The following DNMT3A variants were observed in gnomAD, a reference collection of about 807,000 sequenced individuals.
DNMT3A encodes the protein DNA methyltransferase 3 alpha.
Under a neutral mutation model 117.6 loss-of-function variants are expected in DNMT3A, and 267 were observed. That is an observed-to-expected ratio of 2.27 (90% CI 2.05 to 2.51). The LOEUF is 2.51. DNMT3A is among the 30% of genes most tolerant of loss of function. The pLI is 0.00. For synonymous variants in DNMT3A, 432 were observed against 474.8 expected, an observed-to-expected ratio of 0.91 and a Z score of 1.17; for missense variants, 1,029 against 1,260.2, an observed-to-expected ratio of 0.82 and a Z score of 2.78.
chr2:25,270,537 C>T (rs2030782239), intron 6 of DNMT3A, among the ~76,000 whole-genome samples: 1 of 152,146 alleles, frequency 6.6e-6, no homozygotes, highest in Non-Finnish European at 1.5e-5. Context: ...GTGATATTGC[C>T]TGGGGAACAG....
Position 25,241,638 on chromosome 2 carries a change from G to T in DNMT3A, c.2006C>A (p.Ser669Tyr), listed in dbSNP as rs1674048200. The change falls in exon 17 of 23, where the codon TCC becomes TAC. Residue 669 changes from serine (S) to tyrosine (Y), a missense_variant. By Grantham distance (144) the Ser-to-Tyr change is moderately radical. Transcript: ENST00000321117. ...GTGCCGCACCATGCCCACCGTGATG[G>T]AGTCCTCACACACCTCCGAGGCAAT... Reference protein sequence around the residue: ...RYIASEVCEDSITVGMVRHQG... With the variant: ...RYIASEVCEDYITVGMVRHQG... 1 of 1,614,150 alleles carries T rather than the reference G, an allele frequency of 6.2e-7. No individual in the cohort carries two copies. Among genetic ancestry groups the T allele is most frequent in the Non-Finnish European group, 8.5e-7 (1 of 1,180,028 alleles).
intron 6 of DNMT3A, among the ~76,000 whole-genome samples, chr2:25,251,709 T>G (rs1675587056): frequency 6.6e-6 from 1 of 152,186 alleles, no homozygotes; most frequent in Admixed American, 6.5e-5. Flanking sequence ...GCGGCCTGCC[T>G]GGAGGCTTCC....
upstream of DNMT3A, among the ~76,000 whole-genome samples, chr2:25,342,188 C>T (rs1482197304): frequency 6.9e-6 from 1 of 145,426 alleles, no homozygotes; most frequent in East Asian, 2.1e-4. The surrounding 1 kb of genome is among the most constrained non-coding windows in gnomAD (Gnocchi z 5.9). Flanking sequence ...CGGGGCGCCG[C>T]GGCGGGAGCG....
chr2:25,329,378 T>C (rs748693574), intron 1 of DNMT3A, among the ~76,000 whole-genome samples: 6 of 152,124 alleles, frequency 3.9e-5, no homozygotes, highest in Non-Finnish European at 8.8e-5. Context: ...GTGTTTAACA[T>C]AGGGCCTGGC....
chr2:25,247,237 C>T lies in DNMT3A; in HGVS notation c.1015-79G>A. 1.4e-6 allele frequency: 2 copies of T among 1,417,512 alleles called. No individual in the cohort carries two copies. The highest frequency in any genetic ancestry group is 2.0e-6 in the Non-Finnish European group (2 of 1,018,554). 87.8% of individuals were successfully genotyped at this position (1,417,512 alleles called of 1,614,324 possible). A position where few individuals can be genotyped will look rare whatever the true frequency, so the allele number is the denominator to read the frequency against. On this transcript the variant is annotated intron_variant, in intron 8 of 22. Transcript: ENST00000321117. The surrounding 1 kb of genome is among the most constrained non-coding windows in gnomAD (Gnocchi z 5.6). ...CCCCATGCCTTGCAACTGGCAGGGGCTGGGAGCCTCGAGAGTCAGTCTCAG... is the reference window on the plus strand; with the variant it reads ...CCCCATGCCTTGCAACTGGCAGGGGTTGGGAGCCTCGAGAGTCAGTCTCAG...
chr2:25,307,557 C>A (rs545307417), intron 2 of DNMT3A, among the ~76,000 whole-genome samples: 2 of 149,766 alleles, frequency 1.3e-5, no homozygotes, highest in African/African-American at 4.9e-5. Flanking sequence ...CCTCCACCTA[C>A]CAGGTTCAAG....
intron 6 of DNMT3A, among the ~76,000 whole-genome samples, chr2:25,273,038 G>A (rs1172220142): frequency 5.5e-5 from 8 of 144,590 alleles, no homozygotes; most frequent in African/African-American, 2.1e-4. Flanking sequence ...GTAGTGGTGT[G>A]ATCTCAGCTC....
chr2:25,308,968 T>TAC (rs10628428), intron 2 of DNMT3A, among the ~76,000 whole-genome samples: 16,883 of 144,024 alleles, frequency 0.12, 1,080 homozygotes, highest in African/African-American at 0.17. Flanking sequence ...CACAGATGCA[T>TAC]ACACACACAC....
intron 1 of DNMT3A, chr2:25,328,611 A>G (rs2034882543): frequency 4.0e-6 from 2 of 495,434 alleles, no homozygotes; most frequent in Non-Finnish European, 8.3e-6. Context: ...GTCCCCCGCA[A>G]CCCCGTTCCG....
chr2:25,315,084 T>C lies in DNMT3A; in HGVS notation c.-177-923A>G, dbSNP rs146303491. Among the ~76,000 whole-genome samples the C allele has an allele frequency of 7.5e-4, 114 of 152,150 alleles. 1 individual carries two copies. In the Middle Eastern group the frequency reaches 0.031, roughly 41 times the overall value. On this transcript the variant is annotated intron_variant, in intron 1 of 22. Coordinates refer to ENST00000321117, the MANE Select transcript of DNMT3A (RefSeq NM_022552.5). ...GAGTGTGCCAGGGCCCAGGAGGGGA[T>C]TGGCAGGCAAGGGAGAGCGGGAGGC...
In DNMT3A at chr2:25,254,230, A is replaced by G. The variant is rs1381178512; in HGVS notation, c.640-5978T>C. On this transcript the variant is annotated intron_variant, in intron 6 of 22. Coordinates refer to ENST00000321117, the MANE Select transcript of DNMT3A (RefSeq NM_022552.5). The surrounding 1 kb of genome is among the most constrained non-coding windows in gnomAD (Gnocchi z 4.7). ...GGAACGCCACCATCTCCTAATGACA[A>G]TGAGACAATTCTCTAGGTGCCTGGC... Among the ~76,000 whole-genome samples, 1 of 152,038 alleles carries G rather than the reference A, an allele frequency of 6.6e-6. No individual in the cohort carries two copies. Among genetic ancestry groups the G allele is most frequent in the Non-Finnish European group, 1.5e-5 (1 of 68,008 alleles).
intron 6 of DNMT3A, among the ~76,000 whole-genome samples, chr2:25,255,723 G>C (rs1456139883): frequency 6.6e-6 from 1 of 152,330 alleles, no homozygotes; most frequent in Admixed American, 6.5e-5. Flanking sequence ...CAAGCATTAT[G>C]ATTTGTGTGG....
intron 6 of DNMT3A, among the ~76,000 whole-genome samples, chr2:25,266,954 A>G (rs930530533): frequency 6.6e-6 from 1 of 152,212 alleles, no homozygotes; most frequent in Non-Finnish European, 1.5e-5. Context: ...ACAAAGAGGT[A>G]TGACTAAGGA....
At position 25,244,241 on chromosome 2, in the gene DNMT3A, TG is replaced by T. The variant is rs746589149; in HGVS notation, c.1764del (p.His588GlnfsTer63). 1 of 1,614,016 alleles carries T rather than the reference TG, an allele frequency of 6.2e-7. No homozygotes were observed. Among genetic ancestry groups the T allele is most frequent in the Non-Finnish European group, 8.5e-7 (1 of 1,180,018 alleles). On this transcript the variant is annotated frameshift_variant, in exon 15 of 23. Transcript: ENST00000321117. LOFTEE classifies it high-confidence loss of function. Reference protein sequence around the residue: ...EDPWNCYMCGHKGTYGLLRRR... With the variant: ...EDPWNCYMCGXKGTYGLLRRR... ...CGCCGCAGCAGCCCGTAGGTACCCT[TG>T]TGCCCGCACATGTAGCAGTTCCAGG...
chr2:25,274,667 C>T (rs2031244152), intron 6 of DNMT3A, among the ~76,000 whole-genome samples: 1 of 152,250 alleles, frequency 6.6e-6, no homozygotes, highest in Non-Finnish European at 1.5e-5. Flanking sequence ...ATTTCAGCCC[C>T]TTGTTTCTTT....
chr2:25,244,504 A>C, intron 14 of DNMT3A, 36 bp downstream of exon 14: 2 of 1,609,624 alleles, frequency 1.2e-6, no homozygotes, highest in Non-Finnish European at 1.7e-6. Flanking sequence ...CCTGGGGCCC[A>C]GCTAAGGAGA....
At position 25,233,717 on chromosome 2, in the gene DNMT3A, G is replaced by C. The variant is rs1673006453; in HGVS notation, c.*562C>G. 5.0e-6 allele frequency: 1 copy of C among 199,766 alleles called. No homozygotes were observed. Among genetic ancestry groups the C allele is most frequent in the South Asian group, 2.1e-4 (1 of 4,788 alleles). 12.4% of individuals were successfully genotyped at this position (199,766 alleles called of 1,614,324 possible). On this transcript the variant is annotated 3_prime_UTR_variant, in exon 23 of 23. Transcript: ENST00000321117. ...GTCTCTCTCTTTCCGTCCCCTGCTT[G>C]TGCTCCTATCTGATCAGGCTAGAGA...
chr2:25,341,729 G>T, intron 1 of DNMT3A, 97 bp downstream of exon 1: 1 of 859,542 alleles, frequency 1.2e-6, no homozygotes, highest in Non-Finnish European at 1.4e-6. Flanking sequence ...CGTGCCCCGA[G>T]CCGGGCACTG....
chr2:25,278,506 C>G (rs1445707659), intron 4 of DNMT3A, among the ~76,000 whole-genome samples: 1 of 152,164 alleles, frequency 6.6e-6, no homozygotes. Flanking sequence ...AAGCTTCAGT[C>G]TCCCCATCTG....
Sources: gnomAD v4.1 joint callset for allele counts (sites outside exome capture counted in the v4.1 genomes callset) on GRCh38, gnomAD v4.1.1 for gene constraint, Gnocchi (gnomAD v3.1) non-coding constraint, MANE v1.5 for transcripts, NCBI Gene and HGNC (gene_info 2026-07-23, HGNC 2026-07-21) for gene names.